KATNIP: variants seen among roughly 807,000 people sequenced by gnomAD.
KATNIP encodes the protein katanin-interacting protein.
A neutral mutation model predicts 174.0 loss-of-function variants in KATNIP; 126 were observed. That is an observed-to-expected ratio of 0.72 (90% CI 0.63 to 0.84). The LOEUF (loss-of-function observed/expected upper bound fraction) is 0.84, where lower values mean the gene tolerates loss of function less well. Ranked by LOEUF, KATNIP falls within the 40% of genes least tolerant of loss-of-function variation. KATNIP has a pLI of 0.00. For synonymous variants in KATNIP, 810 were observed against 835.7 expected (o/e 0.97, Z 0.53); for missense variants, 1,958 against 2,109.7 (o/e 0.93, Z 1.41).
rs569648807 is a variant in KATNIP at position 27,637,028 on chromosome 16, C to A, written c.408+5866C>A. 7.9e-5 allele frequency among the ~76,000 whole-genome samples: 12 copies of A among 152,364 alleles called. No individual in the cohort carries two copies. The highest frequency in any genetic ancestry group is 2.9e-4 in the African/African-American group (12 of 41,584). ...GCTGCACAGTGGCTAAGACGCTTAA[C>A]CCCTTGGTGCCTGCGCTCTCATTTG... On this transcript the variant is annotated intron_variant, in intron 5 of 27. Coordinates refer to ENST00000261588, the MANE Select transcript of KATNIP (RefSeq NM_015202.5). The surrounding 1 kb of genome is among the most constrained non-coding windows in gnomAD (Gnocchi z 4.7).
At position 27,740,364 on chromosome 16, in the gene KATNIP, A is replaced by G. The variant is rs2081057689; in HGVS notation, c.2067A>G (p.Lys689=). The G allele has an allele frequency of 6.2e-7, 1 of 1,614,174 alleles. No individual in the cohort carries two copies. The highest frequency in any genetic ancestry group is 1.6e-4 in the Middle Eastern group (1 of 6,062). ...GAAAGAATTCTACTAATTGCAGGAA[A>G]GACAGTTTGTCCCAGTTAGAGGAAT... ...GKRKNSTNCR[K]DSLSQLEEYL... Residue 689 remains lysine, a synonymous_variant, in exon 15 of 28, where the codon AAA becomes AAG. Coordinates refer to ENST00000261588, the MANE Select transcript of KATNIP (RefSeq NM_015202.5).
At chr16:27,737,782 A>C (rs575838712) in intron 14 of KATNIP, among the ~76,000 whole-genome samples, 50 of 152,302 alleles carry the variant, frequency 3.3e-4, no homozygotes, top group Non-Finnish European at 6.0e-4. Context: ...AGAAATTCCT[A>C]TTGCGTATGG....
At chr16:27,676,458 C>T (rs910233472) in intron 6 of KATNIP, among the ~76,000 whole-genome samples, 3 of 152,120 alleles carry the variant, frequency 2.0e-5, no homozygotes, top group Non-Finnish European at 2.9e-5. Flanking sequence ...CTCCTGAGCC[C>T]TCAGGAGTTC....
chr16:27,756,235 G>A lies in KATNIP; in HGVS notation c.3631+1984G>A, dbSNP rs1019246893. Reference sequence around the variant, plus strand: ...CTCTTAGAAGGTGCCTTAGAGGAAGGTGCCTTATTTGGAATTCTCATAGCC... The same window carrying A: ...CTCTTAGAAGGTGCCTTAGAGGAAGATGCCTTATTTGGAATTCTCATAGCC... On this transcript the variant is annotated intron_variant, in intron 18 of 27. Coordinates refer to ENST00000261588, the MANE Select transcript of KATNIP (RefSeq NM_015202.5). Among the ~76,000 whole-genome samples the A allele has an allele frequency of 2.6e-5, 4 of 152,290 alleles. No individual in the cohort carries two copies. In the South Asian group the frequency reaches 8.3e-4, roughly 32 times the overall value.
At chr16:27,618,014 A>G (rs1331419633) in intron 2 of KATNIP, among the ~76,000 whole-genome samples, 1 of 152,162 alleles carries the variant, frequency 6.6e-6, no homozygotes, top group Non-Finnish European at 1.5e-5. Context: ...CTAGTTTTAC[A>G]GGCATGAGCC....
chr16:27,590,732 C>T (rs2141857157), intron 2 of KATNIP, among the ~76,000 whole-genome samples: 1 of 152,338 alleles, frequency 6.6e-6, no homozygotes, highest in East Asian at 1.9e-4. Context: ...TTCTCCTCTC[C>T]CTGGAGAATG....
intron 2 of KATNIP, among the ~76,000 whole-genome samples, chr16:27,614,356 T>TTA: frequency 6.6e-6 from 1 of 152,308 alleles, no homozygotes; most frequent in South Asian, 2.1e-4. Context: ...AGATGGGGTT[T>TTA]TACCATGTTG....
At chr16:27,636,408 C>T (rs961030795) in intron 5 of KATNIP, among the ~76,000 whole-genome samples, 3 of 152,300 alleles carry the variant, frequency 2.0e-5, no homozygotes, top group South Asian at 2.1e-4. Context: ...TTCCATTTCC[C>T]GTCTGGTTCT....
At chr16:27,772,891 GCACA>G (rs139622729) in intron 22 of KATNIP, among the ~76,000 whole-genome samples, 50 of 150,672 alleles carry the variant, frequency 3.3e-4, no homozygotes, top group Non-Finnish European at 4.0e-4. Context: ...ACACTCACAT[GCACA>G]CACACACACA....
chr16:27,777,646 C>T lies in KATNIP; in HGVS notation c.4588C>T (p.Leu1530=). ...VDDLLVYNGI[L]AMVSHLVGGI... Reference sequence around the variant, plus strand: ...CGACCTGCTTGTGTACAATGGGATCCTGGCCATGGTGAGCCACCTGGTGGG... The same window carrying T: ...CGACCTGCTTGTGTACAATGGGATCTTGGCCATGGTGAGCCACCTGGTGGG... Residue 1530 remains leucine, a synonymous_variant, in exon 26 of 28, where the codon CTG becomes TTG. Coordinates refer to ENST00000261588, the MANE Select transcript of KATNIP (RefSeq NM_015202.5). The surrounding 1 kb of genome is among the most constrained non-coding windows in gnomAD (Gnocchi z 4.4). 1 of 1,613,510 alleles carries T rather than the reference C, an allele frequency of 6.2e-7. No homozygotes were observed. The highest frequency in any genetic ancestry group is 8.5e-7 in the Non-Finnish European group (1 of 1,179,758).
rs138995511 is a variant in KATNIP, at chr16:27,663,234, G to A, written c.541-14495G>A. Among the ~76,000 whole-genome samples, 487 of 121,512 alleles carry A rather than the reference G, an allele frequency of 4.0e-3. 26 individuals carry two copies. The East Asian group carries it at 0.12, about 29-fold the overall frequency. 79.7% of individuals were successfully genotyped at this position (121,512 alleles called of 152,430 possible). A position where few individuals can be genotyped will look rare whatever the true frequency, so the allele number is the denominator to read the frequency against. On this transcript the variant is annotated intron_variant, in intron 6 of 27. Transcript: ENST00000261588. ...GCTGGTCTCAAACTCCTAGGTTCAA[G>A]TAATCCTCCCGCTTGGCCTCCCAAA...
chr16:27,666,371 A>G (rs2077682177), intron 6 of KATNIP, among the ~76,000 whole-genome samples: 2 of 151,990 alleles, frequency 1.3e-5, no homozygotes, highest in South Asian at 4.2e-4. Flanking sequence ...AGTTCTATCA[A>G]AATTGATGTA....
At chr16:27,624,963 A>G (rs1366616935) in intron 3 of KATNIP, among the ~76,000 whole-genome samples, 2 of 152,198 alleles carry the variant, frequency 1.3e-5, no homozygotes, top group African/African-American at 4.8e-5. Context: ...TTAGCCAGTG[A>G]TAGTGTGCCA....
rs1025317312 is a variant in KATNIP, at chr16:27,671,950, G to A, written c.541-5779G>A. 2.1e-4 allele frequency among the ~76,000 whole-genome samples: 32 copies of A among 152,140 alleles called. 1 individual carries two copies. The highest frequency in any genetic ancestry group is 2.0e-3 in the Admixed American group (31 of 15,282). On this transcript the variant is annotated intron_variant, in intron 6 of 27. Coordinates refer to ENST00000261588, the MANE Select transcript of KATNIP (RefSeq NM_015202.5). ...GGGCGCCTGTGATCCCAGCTACTTG[G>A]GAAGCTGAGGCAGGAGAATCGCTTG...
At chr16:27,640,806 T>C (rs1033086109) in intron 5 of KATNIP, among the ~76,000 whole-genome samples, 2 of 151,250 alleles carry the variant, frequency 1.3e-5, no homozygotes, top group Non-Finnish European at 2.9e-5. Flanking sequence ...CTCTGCGAGG[T>C]GAGCAGTAGT....
chr16:27,643,100 A>G (rs967309645), intron 5 of KATNIP: 9 of 152,346 alleles, frequency 5.9e-5, no homozygotes, highest in Middle Eastern at 3.4e-3. Flanking sequence ...TTGAGCTGCA[A>G]TAGGATTGCT....
intron 1 of KATNIP, among the ~76,000 whole-genome samples, chr16:27,567,549 A>G (rs1466873161): frequency 1.3e-5 from 2 of 151,976 alleles, no homozygotes; most frequent in African/African-American, 4.8e-5. Context: ...TTTGAGAAGG[A>G]GTCTCCCTCT....
chr16:27,710,074 A>G (rs1260641219), intron 13 of KATNIP, among the ~76,000 whole-genome samples: 1 of 152,242 alleles, frequency 6.6e-6, no homozygotes. Flanking sequence ...TAAATATCCA[A>G]CAGAGCCAGG....
intron 23 of KATNIP, among the ~76,000 whole-genome samples, chr16:27,773,979 A>G (rs948856625): frequency 6.6e-6 from 1 of 152,192 alleles, no homozygotes; most frequent in Non-Finnish European, 1.5e-5. Flanking sequence ...CCTGAGACAC[A>G]GAGAGATTGA....
Sources: allele counts gnomAD v4.1 joint callset (sites outside exome capture counted in the v4.1 genomes callset), GRCh38; gene constraint gnomAD v4.1.1; non-coding constraint Gnocchi (gnomAD v3.1); transcripts MANE v1.5; gene names NCBI Gene and HGNC (gene_info 2026-07-23, HGNC 2026-07-21).